The following ARL15 variants were observed in gnomAD, a reference collection of about 807,000 sequenced individuals.
The protein encoded by ARL15 is ARF like GTPase 15.
Under a neutral mutation model 25.2 loss-of-function variants are expected in ARL15, and 19 were observed. The ratio of observed to expected loss-of-function variants is 0.75; its 90% CI spans 0.53 to 1.10. The LOEUF is 1.10. Ranked by LOEUF, ARL15 falls within the 50% of genes least tolerant of loss-of-function variation. ARL15 has a pLI of 0.00. For missense variants in ARL15, 220 were observed against 246.0 expected (o/e 0.89, Z 0.71); for synonymous variants, 94 against 86.8 (o/e 1.08, Z -0.46).
At chr5:54,279,099 A>G (rs1282493272) in intron 1 of ARL15, among the ~76,000 whole-genome samples, 1 of 152,102 alleles carries the variant, frequency 6.6e-6, no homozygotes, top group African/African-American at 2.4e-5. Flanking sequence ...ACAATCTAAC[A>G]CTATTTCTCA....
chr5:54,187,740 G>A (rs966518969), intron 1 of ARL15, among the ~76,000 whole-genome samples: 3 of 152,170 alleles, frequency 2.0e-5, no homozygotes, highest in Non-Finnish European at 4.4e-5. Flanking sequence ...AAGAAGATGA[G>A]GCTGGCTGTG....
At chr5:53,996,787 T>C (rs1748690735) in intron 4 of ARL15, among the ~76,000 whole-genome samples, 1 of 152,180 alleles carries the variant, frequency 6.6e-6, no homozygotes, top group Non-Finnish European at 1.5e-5. Flanking sequence ...AGTTAGAGAC[T>C]ACTGATCCAA....
At chr5:54,114,086 CAAAT>C (rs1040409669) in intron 3 of ARL15, among the ~76,000 whole-genome samples, 7 of 151,448 alleles carry the variant, frequency 4.6e-5, no homozygotes, top group Non-Finnish European at 8.9e-5. Context: ...TTAAAACAAA[CAAAT>C]AAACAAACAA....
At chr5:54,215,930 T>A (rs1052852416) in intron 1 of ARL15, among the ~76,000 whole-genome samples, 3 of 152,194 alleles carry the variant, frequency 2.0e-5, no homozygotes, top group African/African-American at 7.2e-5. Context: ...ACCTTTCTCA[T>A]TAAACTGCAC....
In ARL15 at chr5:53,958,370, A is replaced by C. The variant is rs114867509; in HGVS notation, c.463-71657T>G. The stretch of plus-strand genomic sequence containing the variant: ...TATCAAGTAAAAGTAGACTGTTAGA[A>C]ATTTAGGACATTAATTGTAATCCCC... On this transcript the variant is annotated intron_variant, in intron 4 of 4. Coordinates refer to ENST00000504924, the MANE Select transcript of ARL15 (RefSeq NM_019087.3). Among the ~76,000 whole-genome samples, 134 of 152,282 alleles carry C rather than the reference A, an allele frequency of 8.8e-4. 1 individual carries two copies. Among genetic ancestry groups the C allele is most frequent in the Middle Eastern group, 3.4e-3 (1 of 294 alleles).
chr5:54,273,182 G>A (rs1264233402), intron 1 of ARL15, among the ~76,000 whole-genome samples: 1 of 152,134 alleles, frequency 6.6e-6, no homozygotes, highest in Non-Finnish European at 1.5e-5. Context: ...AGATTGTGTA[G>A]TGAAAAATAA....
At chr5:53,994,818 A>G (rs67199213) in intron 4 of ARL15, among the ~76,000 whole-genome samples, 41,421 of 152,008 alleles carry the variant, frequency 0.27, 5,849 homozygotes, top group East Asian at 0.46. Flanking sequence ...ATGAAAACAC[A>G]CAAACCTCAA....
In ARL15 at chr5:54,184,527, C is replaced by T. The variant is rs1255706810; in HGVS notation, c.49-12599G>A. Among the ~76,000 whole-genome samples, 8 of 142,268 alleles carry T rather than the reference C, an allele frequency of 5.6e-5. No homozygotes were observed. The South Asian group carries it at 1.6e-3, about 28-fold the overall frequency. The allele number at this position is 142,268 out of a possible 152,430, so 93.3% of individuals were successfully genotyped here. On this transcript the variant is annotated intron_variant, in intron 1 of 4. Coordinates refer to ENST00000504924, the MANE Select transcript of ARL15 (RefSeq NM_019087.3). ...ACCTTCAAATGGATTTAAATATCAC[C>T]ACAAAAATCCCTAGGAGGAAAGATC...
intron 4 of ARL15, among the ~76,000 whole-genome samples, chr5:54,012,019 A>T (rs992980555): frequency 6.6e-6 from 1 of 152,004 alleles, no homozygotes; most frequent in African/African-American, 2.4e-5. Context: ...AAAAAAAAAG[A>T]GCATAAATGT....
rs140235907 is a variant in ARL15 at position 54,309,240 on chromosome 5, G to A, written c.48+1192C>T. Among the ~76,000 whole-genome samples, 87 of 152,278 alleles carry A rather than the reference G, an allele frequency of 5.7e-4. 1 individual carries two copies. The East Asian group carries it at 0.016, about 28-fold the overall frequency. ...TTTTAGATCCAGCTCCATTCACAAG[G>A]CTATGCATTAACTGCAGTCACCATC... On this transcript the variant is annotated intron_variant, in intron 1 of 4. Transcript: ENST00000504924.
intron 1 of ARL15, among the ~76,000 whole-genome samples, chr5:54,220,994 C>T (rs1040230493): frequency 1.3e-5 from 2 of 152,000 alleles, no homozygotes; most frequent in Admixed American, 6.5e-5. Context: ...CCCCAACCCC[C>T]GCCAAAAAAA....
chr5:53,979,540 A>T (rs76027714), intron 4 of ARL15, among the ~76,000 whole-genome samples: 1 of 152,076 alleles, frequency 6.6e-6, no homozygotes, highest in Non-Finnish European at 1.5e-5. Flanking sequence ...ACCTTGTCTC[A>T]AAACAAAACC....
chr5:54,195,224 A>G (rs1755517713), intron 1 of ARL15, among the ~76,000 whole-genome samples: 1 of 152,154 alleles, frequency 6.6e-6, no homozygotes. Context: ...ACCTGTGGTC[A>G]ATATATACCT....
At chr5:54,163,154 G>A (rs1561248770) in intron 2 of ARL15, among the ~76,000 whole-genome samples, 1 of 151,838 alleles carries the variant, frequency 6.6e-6, no homozygotes, top group Non-Finnish European at 1.5e-5. Flanking sequence ...TATCTTCACA[G>A]GATCATAGTT....
chr5:53,951,847 A>ATTT (rs59369848), intron 4 of ARL15, among the ~76,000 whole-genome samples: 5 of 98,238 alleles, frequency 5.1e-5, no homozygotes, highest in East Asian at 5.9e-4. Flanking sequence ...ACATAAAAGA[A>ATTT]TTTTTTTTTT....
intron 2 of ARL15, among the ~76,000 whole-genome samples, chr5:54,166,560 T>A (rs1462662594): frequency 6.6e-6 from 1 of 152,068 alleles, no homozygotes; most frequent in African/African-American, 2.4e-5. Context: ...GGTGTAGAGT[T>A]TTCTTCATGT....
chr5:54,267,089 TTTTG>T (rs1413039162), intron 1 of ARL15, among the ~76,000 whole-genome samples: 3 of 152,066 alleles, frequency 2.0e-5, no homozygotes, highest in African/African-American at 7.3e-5. Flanking sequence ...GTGTTTTTGT[TTTTG>T]TTTGTTTGTT....
chr5:54,149,515 A>G (rs1458918905), intron 3 of ARL15, among the ~76,000 whole-genome samples: 3 of 152,198 alleles, frequency 2.0e-5, no homozygotes, highest in Non-Finnish European at 4.4e-5. Flanking sequence ...GATCATTATA[A>G]AAGCAAATCT....
At chr5:53,972,322 G>C (rs1301418929) in intron 4 of ARL15, among the ~76,000 whole-genome samples, 2 of 151,980 alleles carry the variant, frequency 1.3e-5, no homozygotes, top group Non-Finnish European at 2.9e-5. Flanking sequence ...CCTTATTTTG[G>C]ATCATATTTT....
Sources: gnomAD v4.1 joint callset for allele counts (sites outside exome capture counted in the v4.1 genomes callset) on GRCh38, gnomAD v4.1.1 for gene constraint, MANE v1.5 for transcripts, NCBI Gene and HGNC (gene_info 2026-07-23, HGNC 2026-07-21) for gene names.